STAMBP: variants seen among roughly 807,000 people sequenced by gnomAD.
STAMBP encodes STAM binding protein, also known as STAM-binding protein.
STAMBP carries 31 observed loss-of-function variants against 50.7 expected under a neutral mutation model. The observed-to-expected ratio is 0.61, with a 90% CI of 0.46 to 0.83. The LOEUF (loss-of-function observed/expected upper bound fraction) is 0.83. Among genes scored for constraint, STAMBP ranks in the 40% least tolerant of loss-of-function variants. STAMBP has a pLI of 0.00. For missense variants in STAMBP, 472 were observed against 518.9 expected (o/e 0.91, Z 0.88); for synonymous variants, 211 against 192.4 (o/e 1.10, Z -0.80).
intron 7 of STAMBP, chr2:73,855,719 G>C (rs1558588542): frequency 4.4e-6 from 2 of 456,022 alleles, no homozygotes; most frequent in Non-Finnish European, 8.8e-6. Flanking sequence ...TGTCCTGAAG[G>C]CTTCTTCCAC....
intron 5 of STAMBP, among the ~76,000 whole-genome samples, chr2:73,848,866 CT>C (rs748706484): frequency 5.3e-5 from 8 of 152,034 alleles, no homozygotes; most frequent in Non-Finnish European, 1.2e-4. Context: ...GAACTTGTGT[CT>C]TTTTCCCCCC....
intron 2 of STAMBP, among the ~76,000 whole-genome samples, chr2:73,842,078 A>G (rs549395925): frequency 1.3e-5 from 2 of 152,242 alleles, no homozygotes; most frequent in African/African-American, 4.8e-5. Flanking sequence ...TATCTGTTCT[A>G]TTACCCCTGC....
In STAMBP at chr2:73,829,394, C is replaced by G. The variant is rs80248188; in HGVS notation, c.-129C>G. On this transcript the variant is annotated 5_prime_UTR_variant, in exon 1 of 10. Transcript: ENST00000394070. ...TCGGTCCTTTACGCCGCCTTTCCCC[C>G]TCATTTGCAGATGCTGCATCCCCTT... is the stretch of plus-strand genomic sequence containing the variant. 2,334 of 152,626 alleles carry G rather than the reference C, an allele frequency of 0.015. 60 individuals carry two copies. The highest frequency in any genetic ancestry group is 0.052 in the African/African-American group (2,166 of 41,546). The allele number at this position is 152,626 out of a possible 1,614,324, so 9.5% of individuals were successfully genotyped here. A position where few individuals can be genotyped will look rare whatever the true frequency, so the allele number is the denominator to read the frequency against.
At chr2:73,859,925 A>C in intron 8 of STAMBP, 127 bp from the exon 9 acceptor site, 1 of 638,242 alleles carries the variant, frequency 1.6e-6, no homozygotes, top group South Asian at 1.9e-5. Context: ...AGCATCCTAC[A>C]GAAGCTGTCT....
intron 1 of STAMBP, among the ~76,000 whole-genome samples, chr2:73,830,495 ATGCTGTTCCCACTTTTACAG>A (rs1420092526): frequency 6.6e-6 from 1 of 152,252 alleles, no homozygotes. Flanking sequence ...AAAATAAAAG[ATGCTGTTCCCACTTTTACAG>A]TGCTGTGGGC....
chr2:73,843,079 A>C (rs771071455), intron 2 of STAMBP, among the ~76,000 whole-genome samples: 1 of 152,118 alleles, frequency 6.6e-6, no homozygotes, highest in African/African-American at 2.4e-5. Context: ...TCTCTAAAAT[A>C]TAAGAAATAT....
At position 73,850,361 on chromosome 2, in the gene STAMBP, T is replaced by TTG. The variant is rs1212048909; in HGVS notation, c.868-14_868-13insGT. The TTG allele has an allele frequency of 6.2e-7, 1 of 1,601,450 alleles. No individual in the cohort carries two copies. The highest frequency in any genetic ancestry group is 1.1e-5 in the South Asian group (1 of 88,886). On this transcript the variant is annotated splice_polypyrimidine_tract_variant and intron_variant, in intron 6 of 9. Coordinates refer to ENST00000394070, the MANE Select transcript of STAMBP (RefSeq NM_213622.4). The surrounding 1 kb of genome is among the most constrained non-coding windows in gnomAD (Gnocchi z 4.3). Reference sequence around the variant, plus strand: ...GCACCAGGGAATTGTGACCAGCTGTTTTCTCCTTTGGCAGATGAGGAATGA... The same window carrying TTG: ...GCACCAGGGAATTGTGACCAGCTGTTTGTTCTCCTTTGGCAGATGAGGAATGA...
chr2:73,835,979 T>C (rs1674665315), intron 2 of STAMBP, among the ~76,000 whole-genome samples: 2 of 152,016 alleles, frequency 1.3e-5, no homozygotes, highest in South Asian at 2.1e-4. Flanking sequence ...GCTGAGATTT[T>C]CTTTTTCTTT....
intron 6 of STAMBP, 69 bp downstream of exon 6, chr2:73,849,556 G>A: frequency 6.6e-7 from 1 of 1,516,370 alleles, no homozygotes; most frequent in South Asian, 1.3e-5. Flanking sequence ...GGCATCCTGT[G>A]ACTCTCAGAG....
Position 73,866,864 on chromosome 2 carries a change from C to G in STAMBP, c.*4605C>G, listed in dbSNP as rs757681193. The G allele has an allele frequency of 1.3e-5, 2 of 152,264 alleles. No homozygotes were observed. The highest frequency in any genetic ancestry group is 1.3e-4 in the Admixed American group (2 of 15,274). 9.4% of individuals were successfully genotyped at this position (152,264 alleles called of 1,614,324 possible). Reference sequence around the variant, plus strand: ...AGGGGAGGGAGATCAGTGGTGCCAACTGGCTCAGAAGAGGTTTGCTGGGTT... The same window carrying G: ...AGGGGAGGGAGATCAGTGGTGCCAAGTGGCTCAGAAGAGGTTTGCTGGGTT... On this transcript the variant is annotated 3_prime_UTR_variant, in exon 10 of 10. Transcript: ENST00000394070.
intron 2 of STAMBP, among the ~76,000 whole-genome samples, chr2:73,835,095 C>T (rs1406212744): frequency 2.6e-5 from 4 of 152,068 alleles, no homozygotes; most frequent in African/African-American, 7.2e-5. Context: ...AGGTCTCGGC[C>T]GGGCACAGTG....
chr2:73,834,167 C>T (rs1429591913), intron 2 of STAMBP, among the ~76,000 whole-genome samples: 6 of 136,304 alleles, frequency 4.4e-5, no homozygotes, highest in Admixed American at 7.8e-5. Flanking sequence ...GCCGAGATCA[C>T]GCCACTGCAC....
chr2:73,831,339 T>C (rs1673896323), intron 2 of STAMBP, among the ~76,000 whole-genome samples: 1 of 152,240 alleles, frequency 6.6e-6, no homozygotes. Flanking sequence ...AGACATATTA[T>C]GTTCTGATGA....
intron 2 of STAMBP, among the ~76,000 whole-genome samples, chr2:73,837,575 A>T: frequency 8.5e-6 from 1 of 117,064 alleles, no homozygotes; most frequent in Non-Finnish European, 1.7e-5. Context: ...ACAGAGCGAG[A>T]CTCCATCTCA....
intron 7 of STAMBP, among the ~76,000 whole-genome samples, chr2:73,854,588 G>A (rs1011875205): frequency 3.9e-5 from 6 of 152,136 alleles, no homozygotes; most frequent in African/African-American, 1.4e-4. Flanking sequence ...TGATCCTCCT[G>A]CCTCAGCCTC....
chr2:73,859,246 C>T lies in STAMBP; in HGVS notation c.1006-8C>T, dbSNP rs1677987048. 7 of 1,610,932 alleles carry T rather than the reference C, an allele frequency of 4.3e-6. No homozygotes were observed. The highest frequency in any genetic ancestry group is 5.9e-6 in the Non-Finnish European group (7 of 1,177,222). ...CTAAGAGTCCTCTGACTCTTTTTCT[C>T]TCCTCAGACTCACCCCACACAGACC... On this transcript the variant is annotated splice_region_variant and splice_polypyrimidine_tract_variant and intron_variant, in intron 7 of 9. Transcript: ENST00000394070.
chr2:73,862,142 A>T (rs1236749609), intron 9 of STAMBP, 61 bp from the exon 10 acceptor site: 1 of 1,461,282 alleles, frequency 6.8e-7, no homozygotes, highest in Non-Finnish European at 9.2e-7. Context: ...ATATGAAGAA[A>T]AAAAAAAAAA....
chr2:73,855,312 C>T (rs1677412952), intron 7 of STAMBP, among the ~76,000 whole-genome samples: 1 of 152,210 alleles, frequency 6.6e-6, no homozygotes, highest in Non-Finnish European at 1.5e-5. Context: ...TTCTCTTTGT[C>T]AAAGTGCCTT....
chr2:73,831,633 A>T (rs548148452), intron 2 of STAMBP, among the ~76,000 whole-genome samples: 1 of 152,132 alleles, frequency 6.6e-6, no homozygotes, highest in East Asian at 1.9e-4. Flanking sequence ...ACAGCAAACA[A>T]CTTCTAAAAC....
Sources: allele counts gnomAD v4.1 joint callset (sites outside exome capture counted in the v4.1 genomes callset), GRCh38; gene constraint gnomAD v4.1.1; non-coding constraint Gnocchi (gnomAD v3.1); transcripts MANE v1.5; gene names NCBI Gene and HGNC (gene_info 2026-07-23, HGNC 2026-07-21).